The following PCDHGA2 variants were observed in gnomAD, a reference collection of about 807,000 sequenced individuals.
PCDHGA2 encodes the protein protocadherin gamma-A2.
PCDHGA2 carries 40 observed loss-of-function variants against 59.2 expected under a neutral mutation model. That is an observed-to-expected ratio of 0.68 (90% confidence interval 0.52 to 0.88). The LOEUF (loss-of-function observed/expected upper bound fraction) is 0.88, where lower values mean the gene tolerates loss of function less well. PCDHGA2 is among the 40% of genes least tolerant of loss of function. PCDHGA2 has a pLI of 0.00. For missense variants in PCDHGA2, 1,226 were observed against 1,204.0 expected, an observed-to-expected ratio of 1.02 and a Z score of -0.27; for synonymous variants, 560 against 526.0, an observed-to-expected ratio of 1.06 and a Z score of -0.89.
chr5:141,394,302 C>T (rs1380425662), intron 1 of PCDHGA2: 1 of 1,614,010 alleles, frequency 6.2e-7, no homozygotes, highest in Non-Finnish European at 8.5e-7. Flanking sequence ...GGACACGCTG[C>T]AGGGGGCGCC....
chr5:141,450,569 T>G (rs1325535745), intron 1 of PCDHGA2, among the ~76,000 whole-genome samples: 1 of 149,800 alleles, frequency 6.7e-6, no homozygotes, highest in African/African-American at 2.5e-5. Flanking sequence ...TCACTGCAAC[T>G]TCTGCCTCCC....
At chr5:141,375,485 G>C (rs1478417043) in intron 1 of PCDHGA2, 1 of 1,613,678 alleles carries the variant, frequency 6.2e-7, no homozygotes, top group African/African-American at 1.3e-5. Flanking sequence ...CAACCCCAGG[G>C]GTGCCTCCAT....
At chr5:141,384,383 C>T in intron 1 of PCDHGA2, 1 of 1,613,946 alleles carries the variant, frequency 6.2e-7, no homozygotes. Flanking sequence ...GCCGAAGACA[C>T]CATCCAGGGG....
intron 1 of PCDHGA2, chr5:141,346,524 C>G: frequency 6.3e-7 from 1 of 1,588,144 alleles, no homozygotes; most frequent in African/African-American, 1.4e-5. Flanking sequence ...AAAGCTTTAA[C>G]ACATATGTAT....
chr5:141,420,438 GC>G, intron 1 of PCDHGA2: 1 of 1,107,996 alleles, frequency 9.0e-7, no homozygotes, highest in Non-Finnish European at 1.2e-6. Flanking sequence ...TAAATTAAAT[GC>G]CTCAGTCTTC....
In PCDHGA2 at chr5:141,409,552, A is replaced by C. The variant is rs777125488; in HGVS notation, c.2424+68157A>C. On this transcript the variant is annotated intron_variant, in intron 1 of 3. Transcript: ENST00000394576. ...TCGCTGACATCAACGACAACGCCCC[A>C]GTTTTCGACCAGACGTCCTACGTGG... 9 of 1,613,844 alleles carry C rather than the reference A, an allele frequency of 5.6e-6. No homozygotes were observed. The East Asian group carries it at 1.1e-4, about 20-fold the overall frequency.
chr5:141,349,388 T>TA (rs1039087121), intron 1 of PCDHGA2, among the ~76,000 whole-genome samples: 5 of 152,098 alleles, frequency 3.3e-5, no homozygotes, highest in African/African-American at 1.2e-4. Context: ...TACATTCATA[T>TA]AAAAAAGAAG....
At chr5:141,361,887 C>T in intron 1 of PCDHGA2, 2 of 1,610,304 alleles carry the variant, frequency 1.2e-6, no homozygotes, top group Non-Finnish European at 1.7e-6. Flanking sequence ...CCGCAGAGCC[C>T]GGCTACCTGG....
chr5:141,360,006 A>G lies in PCDHGA2; in HGVS notation c.2424+18611A>G, dbSNP rs551893441. On this transcript the variant is annotated intron_variant, in intron 1 of 3. Transcript: ENST00000394576. ...AGAGGGGAACTTCCTGCACAAACCA[A>G]CCACACAGAGAAGGCCAGTATAGAT... 5.9e-5 allele frequency: 71 copies of G among 1,203,596 alleles called. No homozygotes were observed. The Middle Eastern group carries it at 1.4e-3, about 25-fold the overall frequency. 74.6% of individuals were successfully genotyped at this position (1,203,596 alleles called of 1,614,324 possible). A position where few individuals can be genotyped will look rare whatever the true frequency, so the allele number is the denominator to read the frequency against.
At position 141,472,488 on chromosome 5, in the gene PCDHGA2, C is replaced by T. The variant is rs183545662; in HGVS notation, c.2425-22319C>T. 4.0e-3 allele frequency among the ~76,000 whole-genome samples: 607 copies of T among 151,768 alleles called. 6 individuals carry two copies. The highest frequency in any genetic ancestry group is 0.011 in the Admixed American group (174 of 15,254). On this transcript the variant is annotated intron_variant, in intron 1 of 3. Coordinates refer to ENST00000394576, the MANE Select transcript of PCDHGA2 (RefSeq NM_018915.4). Reference sequence around the variant, plus strand: ...CCAGAAGGCAGAGCTTGCAGTGAGACGAGATCGTGCCACTGCACTCCAGCC... The same window carrying T: ...CCAGAAGGCAGAGCTTGCAGTGAGATGAGATCGTGCCACTGCACTCCAGCC...
intron 1 of PCDHGA2, chr5:141,399,003 A>C: frequency 6.2e-7 from 1 of 1,613,966 alleles, no homozygotes; most frequent in East Asian, 2.2e-5. Context: ...GTCTGAATTC[A>C]AAGAGCGGAG....
At chr5:141,430,595 G>C (rs549786394) in intron 1 of PCDHGA2, 1 of 567,016 alleles carries the variant, frequency 1.8e-6, no homozygotes. Flanking sequence ...CCTTGCACGC[G>C]CCTGAAGCAC....
chr5:141,483,764 A>G (rs1170910094), intron 1 of PCDHGA2, among the ~76,000 whole-genome samples: 1 of 152,104 alleles, frequency 6.6e-6, no homozygotes, highest in East Asian at 1.9e-4. Context: ...AGGCTTGGAA[A>G]AATATTGGGG....
chr5:141,418,273 A>C, intron 1 of PCDHGA2: 1 of 1,614,082 alleles, frequency 6.2e-7, no homozygotes, highest in South Asian at 1.1e-5. Context: ...AAGATGAAAT[A>C]AACTTAGAAA....
chr5:141,421,879 G>T (rs1458461652), intron 1 of PCDHGA2: 1 of 1,613,746 alleles, frequency 6.2e-7, no homozygotes, highest in Non-Finnish European at 8.5e-7. Context: ...AGCTTTAGAT[G>T]GAGGCGATCC....
chr5:141,365,815 A>G (rs1246985073), intron 1 of PCDHGA2: 1 of 1,613,664 alleles, frequency 6.2e-7, no homozygotes, highest in Admixed American at 1.7e-5. Context: ...CTGAAGACAC[A>G]TTTCAGGGGG....
Position 141,399,482 on chromosome 5 carries a change from C to T in PCDHGA2, c.2424+58087C>T, listed in dbSNP as rs559370708. 8.1e-6 allele frequency: 13 copies of T among 1,613,934 alleles called. No individual in the cohort carries two copies. In the South Asian group the frequency reaches 1.3e-4, roughly 16 times the overall value. ...AACGCTCCGGTTTTCCACCAGGCGT[C>T]CTACTTAGTCAGTGTACCCGAAAAC... On this transcript the variant is annotated intron_variant, in intron 1 of 3. Coordinates refer to ENST00000394576, the MANE Select transcript of PCDHGA2 (RefSeq NM_018915.4).
intron 1 of PCDHGA2, chr5:141,399,207 A>T (rs771939823): frequency 1.2e-6 from 2 of 1,613,992 alleles, no homozygotes; most frequent in South Asian, 2.2e-5. Flanking sequence ...TGCCTGGAAC[A>T]CTAATTGCTT....
At chr5:141,351,925 G>A (rs763243982) in intron 1 of PCDHGA2, 1 of 1,613,190 alleles carries the variant, frequency 6.2e-7, no homozygotes, top group African/African-American at 1.3e-5. Context: ...ATGACAATGC[G>A]CCACGGGTGC....
Sources: gnomAD v4.1 joint callset for allele counts (sites outside exome capture counted in the v4.1 genomes callset) on GRCh38, gnomAD v4.1.1 for gene constraint, MANE v1.5 for transcripts, NCBI Gene and HGNC (gene_info 2026-07-23, HGNC 2026-07-21) for gene names.